SLF1: variants seen among roughly 807,000 people sequenced by gnomAD.
SLF1 encodes the protein SMC5-SMC6 complex localization factor protein 1.
SLF1 carries 105 observed loss-of-function variants against 123.0 expected under a neutral mutation model. The observed-to-expected ratio is 0.85, with a 90% CI of 0.73 to 1.00. The LOEUF (loss-of-function observed/expected upper bound fraction) is 1.00. Among genes scored for constraint, SLF1 ranks in the 50% least tolerant of loss-of-function variants. SLF1 has a pLI of 0.00. For missense variants in SLF1, 1,239 were observed against 1,223.0 expected (o/e 1.01, Z -0.20); for synonymous variants, 434 against 406.6 (o/e 1.07, Z -0.81).
Position 94,688,598 on chromosome 5 carries a change from T to G in SLF1, c.2214T>G (p.Phe738Leu). ...VSKKIGQRPCFDSQRTLLMLN... is the reference protein window; with the variant it reads ...VSKKIGQRPCLDSQRTLLMLN... Reference sequence around the variant, plus strand: ...AGAAAATAGGACAGCGGCCTTGTTTTGACTCTCAGAGAACCTTACTAATGC... The same window carrying G: ...AGAAAATAGGACAGCGGCCTTGTTTGGACTCTCAGAGAACCTTACTAATGC... The change falls in exon 17 of 21, where the codon TTT (phenylalanine) becomes TTG (leucine). Residue 738 changes from phenylalanine to leucine, a missense_variant. Transcript: ENST00000265140. The G allele has an allele frequency of 6.2e-7, 1 of 1,614,128 alleles. No homozygotes were observed. The highest frequency in any genetic ancestry group is 8.5e-7 in the Non-Finnish European group (1 of 1,179,982).
chr5:94,678,966 C>G lies in SLF1; in HGVS notation c.1975+11C>G, dbSNP rs1751431735. The G allele has an allele frequency of 1.9e-6, 3 of 1,609,632 alleles. No homozygotes were observed. In the African/African-American group the frequency reaches 4.0e-5, roughly 22 times the overall value. On this transcript the variant is annotated intron_variant, in intron 15 of 20. Transcript: ENST00000265140. ...CTCTTTCGTGTGATGGTAAGTTTGTCTATGTTCTGTTTTTTTCAGACCCAT... is the reference window on the plus strand; with the variant it reads ...CTCTTTCGTGTGATGGTAAGTTTGTGTATGTTCTGTTTTTTTCAGACCCAT...
At position 94,653,324 on chromosome 5, in the gene SLF1, G is replaced by A; in HGVS notation, c.935G>A (p.Arg312Lys). 6.6e-7 allele frequency: 1 copy of A among 1,525,920 alleles called. No individual in the cohort carries two copies. The allele number at this position is 1,525,920 out of a possible 1,614,324, so 94.5% of individuals were successfully genotyped here. A position where few individuals can be genotyped will look rare whatever the true frequency, so the allele number is the denominator to read the frequency against. Reference sequence around the variant, plus strand: ...ATTCAGAGGAGTTATACTTTGAGGAGAAAACGCAAGAAAGGAAAAGAAAGC... The same window carrying A: ...ATTCAGAGGAGTTATACTTTGAGGAAAAAACGCAAGAAAGGAAAAGAAAGC... ...EDIQRSYTLR[R>K]KRKKGKESNC... Residue 312 changes from arginine (R) to lysine (K), a missense_variant, in exon 8 of 21, where the codon AGA becomes AAA. Arg to Lys is a conservative substitution (Grantham distance 26). Transcript: ENST00000265140.
chr5:94,620,076 C>T (rs781743055), intron 1 of SLF1: 1 of 152,208 alleles, frequency 6.6e-6, no homozygotes, highest in African/African-American at 2.4e-5. Flanking sequence ...GACAGGGTTT[C>T]ACCATGCTGT....
intron 4 of SLF1, among the ~76,000 whole-genome samples, chr5:94,636,579 T>C (rs1158669206): frequency 1.4e-5 from 2 of 140,550 alleles, no homozygotes; most frequent in African/African-American, 2.6e-5. Context: ...TTAGCAATTA[T>C]ATTCTTCATC....
chr5:94,638,417 A>C (rs557748438), intron 4 of SLF1, among the ~76,000 whole-genome samples: 1 of 152,086 alleles, frequency 6.6e-6, no homozygotes, highest in Admixed American at 6.5e-5. Context: ...TGACCTCGTG[A>C]TCTGCCCGCC....
At chr5:94,654,827 A>T in intron 9 of SLF1, 75 bp downstream of exon 9, 1 of 988,150 alleles carries the variant, frequency 1.0e-6, no homozygotes, top group Non-Finnish European at 1.3e-6. Context: ...AATTATATAT[A>T]CATATATACA....
chr5:94,668,914 C>G (rs1251307488), intron 12 of SLF1, among the ~76,000 whole-genome samples: 1 of 152,116 alleles, frequency 6.6e-6, no homozygotes, highest in East Asian at 1.9e-4. Context: ...TTTAAACTTC[C>G]CTCTTACAGA....
At chr5:94,631,508 C>T (rs1024578746) in intron 4 of SLF1, among the ~76,000 whole-genome samples, 5 of 152,272 alleles carry the variant, frequency 3.3e-5, no homozygotes, top group Non-Finnish European at 5.9e-5. Context: ...TGGGATCATA[C>T]TTAAATACTG....
At chr5:94,672,774 A>G (rs924004096) in intron 14 of SLF1, among the ~76,000 whole-genome samples, 3 of 152,124 alleles carry the variant, frequency 2.0e-5, no homozygotes, top group Non-Finnish European at 4.4e-5. Flanking sequence ...TCCATATCTG[A>G]AGTCTTTATG....
intron 11 of SLF1, 111 bp downstream of exon 11, chr5:94,664,019 T>C: frequency 1.8e-6 from 2 of 1,115,968 alleles, no homozygotes; most frequent in Non-Finnish European, 2.4e-6. Flanking sequence ...AGTGTTTTTT[T>C]TTCTTCATTT....
chr5:94,651,159 A>G (rs984288147), intron 6 of SLF1, among the ~76,000 whole-genome samples: 1 of 152,182 alleles, frequency 6.6e-6, no homozygotes, highest in African/African-American at 2.4e-5. Flanking sequence ...GTAACATGTC[A>G]TAAAGATTTG....
chr5:94,696,527 A>G lies in SLF1; in HGVS notation c.*1215A>G, dbSNP rs1209183977. 6.6e-6 allele frequency: 1 copy of G among 151,798 alleles called. No homozygotes were observed. Among genetic ancestry groups the G allele is most frequent in the East Asian group, 1.9e-4 (1 of 5,166 alleles). The allele number at this position is 151,798 out of a possible 1,614,324, so 9.4% of individuals were successfully genotyped here. A position where few individuals can be genotyped will look rare whatever the true frequency, so the allele number is the denominator to read the frequency against. On this transcript the variant is annotated 3_prime_UTR_variant, in exon 21 of 21. Coordinates refer to ENST00000265140, the MANE Select transcript of SLF1 (RefSeq NM_032290.4). ...CATCATACAAATCTCTTTATTATTA[A>G]TCTGCCAAAGTATCAGACAAAAAAT...
chr5:94,694,845 C>A lies in SLF1; in HGVS notation c.2710C>A (p.Gln904Lys). 6.4e-7 allele frequency: 1 copy of A among 1,572,890 alleles called. No individual in the cohort carries two copies. Among genetic ancestry groups the A allele is most frequent in the South Asian group, 1.2e-5 (1 of 83,814 alleles). Reference sequence around the variant, plus strand: ...TCTTTTCACAGGCCCAGTGCTTTTACAACAGAGGAATGCTAAGGGAGAATT... The same window carrying A: ...TCTTTTCACAGGCCCAGTGCTTTTAAAACAGAGGAATGCTAAGGGAGAATT... ...LLQHGGPVLLQQRNAKGELPL... is the reference protein window; with the variant it reads ...LLQHGGPVLLKQRNAKGELPL... Residue 904 changes from glutamine (Q) to lysine (K), a missense_variant, in exon 21 of 21, where the codon CAA becomes AAA. Gln to Lys is a moderately conservative substitution (Grantham distance 53, BLOSUM62 1). Coordinates refer to ENST00000265140, the MANE Select transcript of SLF1 (RefSeq NM_032290.4).
At position 94,665,854 on chromosome 5, in the gene SLF1, ATAAT is replaced by A. The variant is rs1749694479; in HGVS notation, c.1369-6_1369-3del. ...GTTTTATTTGTTTGTTTATTTTTAAATAATAGGATAACATAGATACATTTTCTGG... is the reference window on the plus strand; with the variant it reads ...GTTTTATTTGTTTGTTTATTTTTAAAAGGATAACATAGATACATTTTCTGG... On this transcript the variant is annotated splice_polypyrimidine_tract_variant and splice_region_variant and intron_variant, in intron 11 of 20. Coordinates refer to ENST00000265140, the MANE Select transcript of SLF1 (RefSeq NM_032290.4). The A allele has an allele frequency of 6.5e-7, 1 of 1,532,468 alleles. No individual in the cohort carries two copies. Among genetic ancestry groups the A allele is most frequent in the African/African-American group, 1.4e-5 (1 of 72,534 alleles). 94.9% of individuals were successfully genotyped at this position (1,532,468 alleles called of 1,614,324 possible).
intron 14 of SLF1, among the ~76,000 whole-genome samples, 196 bp downstream of exon 14, chr5:94,671,204 ATGTAGTAGCTAG>A (rs1750403735): frequency 6.6e-6 from 1 of 151,832 alleles, no homozygotes; most frequent in Non-Finnish European, 1.5e-5. Context: ...TCATGTTTGC[ATGTAGTAGCTAG>A]TGAATTATAT....
intron 1 of SLF1, among the ~76,000 whole-genome samples, chr5:94,623,212 G>C (rs987742815): frequency 3.3e-5 from 5 of 152,082 alleles, no homozygotes; most frequent in African/African-American, 1.2e-4. Flanking sequence ...CAGGCATCAA[G>C]AATAGGCCCA....
intron 7 of SLF1, 91 bp from the exon 8 acceptor site, chr5:94,653,181 A>G (rs1028263448): frequency 7.3e-6 from 9 of 1,240,268 alleles, no homozygotes; most frequent in East Asian, 2.8e-5. Flanking sequence ...TTTAATGTGT[A>G]TGAAAGTATG....
intron 5 of SLF1, 138 bp from the exon 6 acceptor site, chr5:94,649,316 T>C (rs368680916): frequency 3.3e-6 from 2 of 603,846 alleles, no homozygotes; most frequent in East Asian, 6.5e-5. Context: ...GTGTTTAACA[T>C]CCTTTGATTT....
chr5:94,663,876 G>T lies in SLF1; in HGVS notation c.1336G>T (p.Val446Phe), dbSNP rs1036836470. Residue 446 changes from valine (V) to phenylalanine (F), a missense_variant, in exon 11 of 21, where the codon GTT becomes TTT. By Grantham distance (50) the Val-to-Phe change is conservative (BLOSUM62 -1). Transcript: ENST00000265140. ...GGCACATTATATCCCTCCTGTATGC[G>T]TTCTTCATGCCCTTCTAGAGAACGT... ...LQAHYIPPVC[V>F]LHALLENVLQ... The T allele has an allele frequency of 9.1e-6, 14 of 1,544,890 alleles. No homozygotes were observed. In the Middle Eastern group the frequency reaches 5.0e-4, roughly 55 times the overall value.
Sources: allele counts gnomAD v4.1 joint callset (sites outside exome capture counted in the v4.1 genomes callset), GRCh38; gene constraint gnomAD v4.1.1; transcripts MANE v1.5; gene names NCBI Gene and HGNC (gene_info 2026-07-23, HGNC 2026-07-21).